PSMD11: variants seen among roughly 807,000 people sequenced by gnomAD.
PSMD11 encodes proteasome 26S subunit, non-ATPase 11.
Under a neutral mutation model 62.3 loss-of-function variants are expected in PSMD11, and 5 were observed. The ratio of observed to expected loss-of-function variants is 0.08; its 90% CI spans 0.04 to 0.17. PSMD11 has a LOEUF of 0.17. Ranked by LOEUF, PSMD11 falls within the 10% of genes least tolerant of loss-of-function variation. The probability of loss-of-function intolerance (pLI) is 1.00; values close to 1 mark genes in which losing one functional copy is unlikely to be tolerated. For synonymous variants in PSMD11, 191 were observed against 191.8 expected (o/e 1.00, Z 0.03); for missense variants, 310 against 512.9 (o/e 0.60, Z 3.82).
chr17:32,459,490 G>A (rs1334440512), intron 3 of PSMD11, among the ~76,000 whole-genome samples: 1 of 151,840 alleles, frequency 6.6e-6, no homozygotes, highest in Non-Finnish European at 1.5e-5. Flanking sequence ...CTCTGGACTC[G>A]GCCTCCCAAA....
At position 32,473,953 on chromosome 17, in the gene PSMD11, C is replaced by A; in HGVS notation, c.788+8C>A. 6.2e-7 allele frequency: 1 copy of A among 1,613,730 alleles called. No homozygotes were observed. Among genetic ancestry groups the A allele is most frequent in the Non-Finnish European group, 8.5e-7 (1 of 1,179,832 alleles). ...CAAAATCATGCTCAACACGTAGGTG[C>A]ACCTTAACTCTGGACTACAAGAACT... is the stretch of plus-strand genomic sequence containing the variant. On this transcript the variant is annotated splice_region_variant and intron_variant, in intron 7 of 13. Transcript: ENST00000261712.
intron 6 of PSMD11, among the ~76,000 whole-genome samples, chr17:32,472,074 C>T (rs1908179382): frequency 6.6e-6 from 1 of 152,054 alleles, no homozygotes; most frequent in South Asian, 2.1e-4. Context: ...CACCCTGTTG[C>T]CTAGGCTGGT....
At chr17:32,479,792 T>A in intron 10 of PSMD11, 59 bp from the exon 11 acceptor site, 1 of 1,557,712 alleles carries the variant, frequency 6.4e-7, no homozygotes, top group Non-Finnish European at 8.9e-7. Flanking sequence ...CCCTCCCTTC[T>A]CTTATTGGAG....
At chr17:32,458,224 C>T (rs1032727011) in intron 3 of PSMD11, among the ~76,000 whole-genome samples, 1 of 151,974 alleles carries the variant, frequency 6.6e-6, no homozygotes, top group African/African-American at 2.4e-5. Flanking sequence ...AATTTTATTC[C>T]TCTCCCTCTT....
intron 6 of PSMD11, among the ~76,000 whole-genome samples, chr17:32,473,479 C>T (rs574910237): frequency 2.0e-5 from 3 of 152,088 alleles, no homozygotes; most frequent in African/African-American, 7.2e-5. Context: ...GGGATTTGTC[C>T]ATGTTGGTCA....
At chr17:32,467,133 C>T (rs994361304) in intron 5 of PSMD11, among the ~76,000 whole-genome samples, 19 of 151,544 alleles carry the variant, frequency 1.3e-4, no homozygotes, top group Admixed American at 9.2e-4. Flanking sequence ...TTAGTAGAGA[C>T]GGGTTTTCAC....
chr17:32,471,782 T>C (rs1227170244), intron 6 of PSMD11, among the ~76,000 whole-genome samples: 6 of 152,200 alleles, frequency 3.9e-5, no homozygotes, highest in African/African-American at 1.4e-4. Flanking sequence ...GGAACTTATA[T>C]TGGCAATATG....
intron 2 of PSMD11, among the ~76,000 whole-genome samples, chr17:32,452,814 C>T (rs1284368525): frequency 6.6e-6 from 1 of 152,170 alleles, no homozygotes. Context: ...CAATCGTTTT[C>T]ATTTCTGGGT....
Position 32,469,130 on chromosome 17 carries a change from C to G in PSMD11, c.580C>G (p.Arg194Gly), listed in dbSNP as rs1475938424. 2 of 1,614,110 alleles carry G rather than the reference C, an allele frequency of 1.2e-6. No individual in the cohort carries two copies. Among genetic ancestry groups the G allele is most frequent in the Non-Finnish European group, 1.7e-6 (2 of 1,180,026 alleles). ...AGCCCGAGCTGCCTTAACTTCTGCTCGAACCACAGCAAATGCCATCTACTG... is the reference window on the plus strand; with the variant it reads ...AGCCCGAGCTGCCTTAACTTCTGCTGGAACCACAGCAAATGCCATCTACTG... ...PKARAALTSA[R>G]TTANAIYCPP... The change falls in exon 6 of 14, where the codon CGA (arginine) becomes GGA (glycine). Residue 194 changes from arginine to glycine, a missense_variant. By Grantham distance (125) the Arg-to-Gly change is moderately radical. Coordinates refer to ENST00000261712, the MANE Select transcript of PSMD11 (RefSeq NM_002815.4).
At chr17:32,449,147 G>A (rs1371457851) in intron 2 of PSMD11, among the ~76,000 whole-genome samples, 2 of 152,150 alleles carry the variant, frequency 1.3e-5, no homozygotes, top group African/African-American at 4.8e-5. Context: ...GCTCATGCCT[G>A]TAATCCCAGC....
intron 1 of PSMD11, chr17:32,444,831 G>A: frequency 1.7e-6 from 1 of 582,330 alleles, no homozygotes; most frequent in Non-Finnish European, 2.9e-6. Context: ...TCCCCTCGCC[G>A]GCTGCTGACT....
Position 32,473,945 on chromosome 17 carries a change from C to T in PSMD11, c.788C>T (p.Thr263Ile), listed in dbSNP as rs756977477. 5.6e-6 allele frequency: 9 copies of T among 1,613,956 alleles called. No individual in the cohort carries two copies. Among genetic ancestry groups the T allele is most frequent in the African/African-American group, 2.7e-5 (2 of 75,038 alleles). Residue 263 changes from threonine to isoleucine, a missense_variant and splice_region_variant, in exon 7 of 14, where the codon ACC becomes ATC. By Grantham distance (89) the Thr-to-Ile change is moderately conservative. This residue lies in a region of PSMD11 where 135 missense variants were observed against 195.4 expected (regional missense o/e 0.69). Transcript: ENST00000261712. ...TTGCTGTGCAAAATCATGCTCAACA[C>T]GTAGGTGCACCTTAACTCTGGACTA... ...YMLLCKIMLNTPEDVQALVSG... is the reference protein window; with the variant it reads ...YMLLCKIMLNIPEDVQALVSG...
chr17:32,457,169 G>A (rs1907676921), intron 3 of PSMD11, among the ~76,000 whole-genome samples: 1 of 152,096 alleles, frequency 6.6e-6, no homozygotes. Context: ...CTTTCCTTAG[G>A]GTGAAAGGAA....
chr17:32,450,710 A>G (rs746443407), intron 2 of PSMD11, among the ~76,000 whole-genome samples: 1 of 152,124 alleles, frequency 6.6e-6, no homozygotes, highest in Non-Finnish European at 1.5e-5. Context: ...AACAGGAAAT[A>G]CAAACAAGAA....
chr17:32,455,598 A>C (rs1907625429), intron 3 of PSMD11, among the ~76,000 whole-genome samples: 1 of 152,196 alleles, frequency 6.6e-6, no homozygotes, highest in South Asian at 2.1e-4. Context: ...CTACTTTGGA[A>C]TCATACCTTT....
intron 3 of PSMD11, among the ~76,000 whole-genome samples, chr17:32,458,692 C>CTATA (rs1907721129): frequency 6.6e-6 from 1 of 152,210 alleles, no homozygotes. Context: ...ACCATGGCTA[C>CTATA]CTCTGACCAC....
chr17:32,458,439 C>T (rs1284464156), intron 3 of PSMD11, among the ~76,000 whole-genome samples: 1 of 152,214 alleles, frequency 6.6e-6, no homozygotes, highest in Non-Finnish European at 1.5e-5. Flanking sequence ...CCTTTCTCTT[C>T]CATAGTCTTA....
intron 3 of PSMD11, among the ~76,000 whole-genome samples, chr17:32,456,856 G>C (rs1316288313): frequency 1.3e-5 from 2 of 151,896 alleles, no homozygotes; most frequent in Non-Finnish European, 2.9e-5. Flanking sequence ...TAGTAGAGAC[G>C]GGGTTTCACC....
intron 5 of PSMD11, among the ~76,000 whole-genome samples, chr17:32,466,760 C>T (rs1908003421): frequency 1.3e-5 from 2 of 152,154 alleles, no homozygotes; most frequent in Non-Finnish European, 2.9e-5. Context: ...TTTACATTCT[C>T]TTTAACATTG....
Sources: gnomAD v4.1 joint callset for allele counts (sites outside exome capture counted in the v4.1 genomes callset) on GRCh38, gnomAD v4.1.1 for gene constraint, gnomAD v4.1.1 regional missense constraint, MANE v1.5 for transcripts, NCBI Gene and HGNC (gene_info 2026-07-23, HGNC 2026-07-21) for gene names.